Variants in ANKS1B observed in about 807,000 individuals in gnomAD.
The protein encoded by ANKS1B is ankyrin repeat and sterile alpha motif domain containing 1B.
A neutral mutation model predicts 148.3 loss-of-function variants in ANKS1B; 36 were observed. The ratio of observed to expected loss-of-function variants is 0.24; its 90% CI spans 0.19 to 0.32. ANKS1B has a LOEUF of 0.32. ANKS1B is among the 10% of genes least tolerant of loss of function. The pLI is 1.00. For synonymous variants in ANKS1B, 542 were observed against 560.8 expected, an observed-to-expected ratio of 0.97 and a Z score of 0.47; for missense variants, 1,157 against 1,542.6, an observed-to-expected ratio of 0.75 and a Z score of 4.19.
downstream of ANKS1B, among the ~76,000 whole-genome samples, chr12:98,741,649 C>A (rs958455331): frequency 6.6e-6 from 1 of 152,194 alleles, no homozygotes. Flanking sequence ...CAAACCCACA[C>A]CCCAGAAACG....
Position 99,386,863 on chromosome 12 carries a change from T to C in ANKS1B, c.1756+12768A>G, listed in dbSNP as rs567542577. Among the ~76,000 whole-genome samples the C allele has an allele frequency of 9.2e-5, 14 of 152,342 alleles. No homozygotes were observed. In the East Asian group the frequency reaches 2.7e-3, roughly 29 times the overall value. On this transcript the variant is annotated intron_variant, in intron 12 of 26. Coordinates refer to ENST00000683438, the MANE Select transcript of ANKS1B (RefSeq NM_001352186.2). ...GCTCATGCTTCCGAAGAAAGCAATG[T>C]AGTTCAGAAAAAACTACAGAGCTCA...
intron 17 of ANKS1B, among the ~76,000 whole-genome samples, chr12:98,848,217 A>G (rs1178191637): frequency 6.6e-6 from 1 of 152,256 alleles, no homozygotes; most frequent in African/African-American, 2.4e-5. Flanking sequence ...TGAACTCATT[A>G]GCAACATATG....
At position 98,764,416 on chromosome 12, in the gene ANKS1B, T is replaced by C. The variant is rs1183777976; in HGVS notation, c.3579+8626A>G. Among the ~76,000 whole-genome samples the C allele has an allele frequency of 4.6e-5, 7 of 151,812 alleles. No homozygotes were observed. The South Asian group carries it at 1.5e-3, about 32-fold the overall frequency. On this transcript the variant is annotated intron_variant, in intron 25 of 26. Transcript: ENST00000683438. ...TAATTTTTTGCATTTTTAGTAGAGATAGGGTTTCACCATGTTGGCCAGGCT... is the reference window on the plus strand; with the variant it reads ...TAATTTTTTGCATTTTTAGTAGAGACAGGGTTTCACCATGTTGGCCAGGCT...
intron 14 of ANKS1B, among the ~76,000 whole-genome samples, chr12:99,186,815 T>C (rs2079923644): frequency 6.6e-6 from 1 of 152,088 alleles, no homozygotes; most frequent in Non-Finnish European, 1.5e-5. Context: ...GAATGCCTCT[T>C]CTTCTCCAAA....
chr12:99,460,855 A>G (rs1027802386), intron 10 of ANKS1B, among the ~76,000 whole-genome samples: 3 of 152,128 alleles, frequency 2.0e-5, no homozygotes, highest in African/African-American at 7.2e-5. Context: ...AAAGAAGTAA[A>G]AGTAGATCTA....
chr12:99,762,647 A>G (rs1446968689), intron 8 of ANKS1B, among the ~76,000 whole-genome samples: 1 of 152,130 alleles, frequency 6.6e-6, no homozygotes, highest in Non-Finnish European at 1.5e-5. Context: ...AAAGACTTCA[A>G]GAGCAATTGC....
At chr12:98,782,068 C>G in intron 23 of ANKS1B, 58 bp downstream of exon 23, 2 of 1,441,396 alleles carry the variant, frequency 1.4e-6, no homozygotes, top group Non-Finnish European at 9.6e-7. Context: ...AGTCAGTTTA[C>G]TTCATTGCCC....
rs371875218 is a variant in ANKS1B, at chr12:99,781,941, CTG to C, written c.745+79_745+80del. 2.8e-3 allele frequency: 3,361 copies of C among 1,205,952 alleles called. 102 individuals carry two copies. In the South Asian group the frequency reaches 0.045, roughly 16 times the overall value. The allele number at this position is 1,205,952 out of a possible 1,614,324, so 74.7% of individuals were successfully genotyped here. A position where few individuals can be genotyped will look rare whatever the true frequency, so the allele number is the denominator to read the frequency against. ...GCAAGAGGGTGATTTGTGAAGAAAA[CTG>C]TGTCATTTTCCTTTGTCTATTCCCA... On this transcript the variant is annotated intron_variant, in intron 5 of 26. Transcript: ENST00000683438.
At chr12:98,875,081 G>A (rs2152436080) in intron 17 of ANKS1B, among the ~76,000 whole-genome samples, 1 of 152,312 alleles carries the variant, frequency 6.6e-6, no homozygotes, top group East Asian at 1.9e-4. Context: ...CTGTGGACTA[G>A]AAACTACCCT....
chr12:98,968,479 A>C (rs1039092890), intron 17 of ANKS1B, among the ~76,000 whole-genome samples: 3 of 152,148 alleles, frequency 2.0e-5, no homozygotes, highest in African/African-American at 7.2e-5. Context: ...AACAAACAAA[A>C]AAATTAGGAA....
At chr12:99,820,564 G>T (rs1389539444) in intron 2 of ANKS1B, among the ~76,000 whole-genome samples, 3 of 151,970 alleles carry the variant, frequency 2.0e-5, no homozygotes, top group Non-Finnish European at 4.4e-5. Flanking sequence ...TGTGCAGACT[G>T]CTAAGGCTTG....
At chr12:98,939,533 CT>C (rs1413344983) in intron 17 of ANKS1B, among the ~76,000 whole-genome samples, 1 of 152,164 alleles carries the variant, frequency 6.6e-6, no homozygotes, top group African/African-American at 2.4e-5. Context: ...GTTGAGGCTT[CT>C]TTTTTCCTTG....
chr12:99,818,186 T>A (rs980530868), intron 2 of ANKS1B, among the ~76,000 whole-genome samples: 3 of 151,860 alleles, frequency 2.0e-5, no homozygotes, highest in African/African-American at 7.2e-5. Context: ...TGGGATTACA[T>A]CAAGCTTAAA....
At chr12:99,153,195 A>G (rs574111851) in intron 15 of ANKS1B, among the ~76,000 whole-genome samples, 2 of 152,302 alleles carry the variant, frequency 1.3e-5, no homozygotes, top group South Asian at 2.1e-4. Context: ...CTTCAAATCT[A>G]TAATATTCAA....
chr12:99,024,183 G>C (rs982824353), intron 17 of ANKS1B, among the ~76,000 whole-genome samples: 1 of 151,872 alleles, frequency 6.6e-6, no homozygotes, highest in African/African-American at 2.4e-5. Context: ...GTATTTGTTA[G>C]AATAAGCAAC....
chr12:99,513,776 C>T (rs1271577289), intron 9 of ANKS1B, among the ~76,000 whole-genome samples: 2 of 152,056 alleles, frequency 1.3e-5, no homozygotes, highest in African/African-American at 4.8e-5. Context: ...TTATATTTCA[C>T]CTGAACTGCT....
At chr12:99,799,272 C>A (rs1463997806) in intron 4 of ANKS1B, among the ~76,000 whole-genome samples, 1 of 152,038 alleles carries the variant, frequency 6.6e-6, no homozygotes, top group African/African-American at 2.4e-5. Context: ...TTTAATCAGC[C>A]TCTTCTGTCT....
chr12:99,446,048 T>C (rs1330585332), intron 10 of ANKS1B, among the ~76,000 whole-genome samples: 1 of 151,770 alleles, frequency 6.6e-6, no homozygotes, highest in Non-Finnish European at 1.5e-5. Context: ...AAATGTGTCA[T>C]CAGACATGTA....
At chr12:99,706,973 A>G (rs1463646779) in intron 8 of ANKS1B, among the ~76,000 whole-genome samples, 1 of 152,116 alleles carries the variant, frequency 6.6e-6, no homozygotes, top group African/African-American at 2.4e-5. Flanking sequence ...CCTTGATTCT[A>G]GTCTTGTGAG....
Sources: gnomAD v4.1 joint callset for allele counts (sites outside exome capture counted in the v4.1 genomes callset) on GRCh38, gnomAD v4.1.1 for gene constraint, MANE v1.5 for transcripts, NCBI Gene and HGNC (gene_info 2026-07-23, HGNC 2026-07-21) for gene names.